Variants in ANKRD44 observed in about 807,000 individuals in gnomAD.
ANKRD44 encodes ankyrin repeat domain 44.
A neutral mutation model predicts 116.0 loss-of-function variants in ANKRD44; 35 were observed. The observed-to-expected ratio is 0.30, with a 90% CI of 0.23 to 0.40. The LOEUF is 0.40. ANKRD44 is among the 10% of genes least tolerant of loss of function. The pLI is 1.00. For synonymous variants in ANKRD44, 435 were observed against 461.8 expected, an observed-to-expected ratio of 0.94 and a Z score of 0.74; for missense variants, 1,014 against 1,242.6, an observed-to-expected ratio of 0.82 and a Z score of 2.77.
At chr2:196,993,741 G>T in intron 26 of ANKRD44, 67 bp from the exon 27 acceptor site, 1 of 1,318,624 alleles carries the variant, frequency 7.6e-7, no homozygotes, top group Non-Finnish European at 1.1e-6. Context: ...ATTTTTGTTA[G>T]CCCATGTCAC....
At chr2:197,124,450 G>A (rs538848499) in intron 6 of ANKRD44, among the ~76,000 whole-genome samples, 2 of 152,116 alleles carry the variant, frequency 1.3e-5, no homozygotes, top group East Asian at 3.9e-4. Context: ...TATTTTCCAA[G>A]TTTGTTATTG....
intron 1 of ANKRD44, among the ~76,000 whole-genome samples, chr2:197,202,361 G>A (rs1003745113): frequency 6.6e-6 from 1 of 151,298 alleles, no homozygotes; most frequent in Non-Finnish European, 1.5e-5. Context: ...CAAAATGATC[G>A]ACTCCTCCAA....
intron 1 of ANKRD44, among the ~76,000 whole-genome samples, chr2:197,272,791 C>T (rs1204967624): frequency 3.3e-5 from 5 of 152,230 alleles, no homozygotes; most frequent in East Asian, 1.9e-4. Context: ...ATCTGGTCAG[C>T]GCCTTGACAG....
chr2:197,163,390 C>T (rs565641652), intron 2 of ANKRD44, among the ~76,000 whole-genome samples: 2 of 152,214 alleles, frequency 1.3e-5, no homozygotes, highest in Non-Finnish European at 2.9e-5. Flanking sequence ...CACAACCAGT[C>T]CCACAGTGCC....
chr2:197,264,268 T>C (rs1429379208), intron 1 of ANKRD44, among the ~76,000 whole-genome samples: 2 of 152,188 alleles, frequency 1.3e-5, no homozygotes, highest in Admixed American at 6.5e-5. Context: ...CATGGAGTCA[T>C]CTTCTCAGTC....
chr2:197,164,685 C>A (rs1445454770), intron 2 of ANKRD44, among the ~76,000 whole-genome samples: 2 of 152,206 alleles, frequency 1.3e-5, no homozygotes, highest in East Asian at 3.9e-4. Context: ...GCTTTCTCGC[C>A]ACCAGGCCTC....
At chr2:197,274,822 G>A (rs1290306099) in intron 1 of ANKRD44, among the ~76,000 whole-genome samples, 1 of 152,276 alleles carries the variant, frequency 6.6e-6, no homozygotes, top group Admixed American at 6.5e-5. Context: ...GTCTGGCATG[G>A]TGGCTTACAC....
chr2:197,224,298 A>T (rs889473089), intron 1 of ANKRD44, among the ~76,000 whole-genome samples: 1 of 152,252 alleles, frequency 6.6e-6, no homozygotes, highest in Admixed American at 6.5e-5. Context: ...AGCTTTGATC[A>T]ACTGTATCCA....
At chr2:197,100,665 T>A (rs1302397691) in intron 9 of ANKRD44, among the ~76,000 whole-genome samples, 2 of 152,220 alleles carry the variant, frequency 1.3e-5, no homozygotes. Flanking sequence ...GGATGGACAG[T>A]TCAGGAAATG....
intron 3 of ANKRD44, 118 bp downstream of exon 3, chr2:197,146,909 T>G (rs748389890): frequency 3.0e-5 from 22 of 738,948 alleles, no homozygotes; most frequent in Non-Finnish European, 4.5e-5. Flanking sequence ...GCCTATCACA[T>G]AAACTTCCAT....
rs558467727 is a variant in ANKRD44 at position 197,203,122 on chromosome 2, C to T, written c.28-16016G>A. Among the ~76,000 whole-genome samples the T allele has an allele frequency of 6.6e-6, 1 of 152,192 alleles. No homozygotes were observed. Among genetic ancestry groups the T allele is most frequent in the South Asian group, 2.1e-4 (1 of 4,814 alleles). On this transcript the variant is annotated intron_variant, in intron 1 of 27. Transcript: ENST00000282272. This position sits in a 1 kb window ranked among gnomAD's most constrained non-coding sequence, Gnocchi z 4.1. ...ACCTTCGAAATCCTACTCCTTTGACCCCACAGTCCCTCTTCAGGGAGGCTG... is the reference window on the plus strand; with the variant it reads ...ACCTTCGAAATCCTACTCCTTTGACTCCACAGTCCCTCTTCAGGGAGGCTG...
intron 1 of ANKRD44, among the ~76,000 whole-genome samples, chr2:197,286,388 T>TA (rs1248820405): frequency 6.6e-6 from 1 of 151,578 alleles, no homozygotes; most frequent in Non-Finnish European, 1.5e-5. Flanking sequence ...TTCTTTTTTT[T>TA]TTAAGAGACA....
intron 16 of ANKRD44, among the ~76,000 whole-genome samples, chr2:197,063,951 C>T (rs1347081984): frequency 2.4e-4 from 36 of 152,186 alleles, no homozygotes; most frequent in South Asian, 2.1e-4. Context: ...ATACAGAGAA[C>T]GCCACAAAGA....
chr2:196,993,724 A>T (rs1440927247), intron 26 of ANKRD44, 50 bp from the exon 27 acceptor site: 2 of 1,486,402 alleles, frequency 1.3e-6, no homozygotes, highest in Non-Finnish European at 1.8e-6. Flanking sequence ...TTGGGTGAGA[A>T]TGTGGAATTT....
intron 1 of ANKRD44, among the ~76,000 whole-genome samples, chr2:197,187,651 TC>T (rs1275335040): frequency 4.4e-5 from 6 of 136,420 alleles, no homozygotes; most frequent in African/African-American, 2.1e-4. Flanking sequence ...TCATTCTCTC[TC>T]TCTCTCTCTC....
At chr2:197,153,216 AG>A in intron 2 of ANKRD44, among the ~76,000 whole-genome samples, 1 of 95,910 alleles carries the variant, frequency 1.0e-5, no homozygotes, top group Non-Finnish European at 2.0e-5. Flanking sequence ...TGACAGAGCA[AG>A]ACCCTGCCAA....
intron 27 of ANKRD44, chr2:196,992,853 TTTAA>T (rs1270151169): frequency 6.5e-6 from 1 of 152,684 alleles, no homozygotes; most frequent in Non-Finnish European, 1.5e-5. Flanking sequence ...ATTATAATAC[TTTAA>T]TTAAATGCCA....
rs974111733 is a variant in ANKRD44, at chr2:197,255,836, A to G, written c.27+54742T>C. The stretch of plus-strand genomic sequence containing the variant: ...GGAGTCAGATAATGAAAGCCAGAGC[A>G]GGAAGGACCCTGCGCTTCATGTAAG... On this transcript the variant is annotated intron_variant, in intron 1 of 27. Coordinates refer to ENST00000282272, the MANE Select transcript of ANKRD44 (RefSeq NM_001195144.2). Among the ~76,000 whole-genome samples, 14 of 152,386 alleles carry G rather than the reference A, an allele frequency of 9.2e-5. 1 individual carries two copies. The highest frequency in any genetic ancestry group is 9.1e-4 in the Admixed American group (14 of 15,308).
chr2:197,245,425 A>T (rs1183391635), intron 1 of ANKRD44, among the ~76,000 whole-genome samples: 1 of 152,218 alleles, frequency 6.6e-6, no homozygotes, highest in Non-Finnish European at 1.5e-5. Context: ...GGACTTGAGC[A>T]TCCCTGGATT....
Sources: allele counts gnomAD v4.1 joint callset (sites outside exome capture counted in the v4.1 genomes callset), GRCh38; gene constraint gnomAD v4.1.1; non-coding constraint Gnocchi (gnomAD v3.1); transcripts MANE v1.5; gene names NCBI Gene and HGNC (gene_info 2026-07-23, HGNC 2026-07-21).